TMEM63B: variants seen among roughly 807,000 people sequenced by gnomAD.
TMEM63B encodes transmembrane protein 63B.
Under a neutral mutation model 102.6 loss-of-function variants are expected in TMEM63B, and 23 were observed. The observed-to-expected ratio is 0.22, with a 90% CI of 0.16 to 0.32. TMEM63B has a LOEUF of 0.32. Among genes scored for constraint, TMEM63B ranks in the 10% least tolerant of loss-of-function variants. TMEM63B has a pLI of 1.00. For synonymous variants in TMEM63B, 444 were observed against 437.0 expected, an observed-to-expected ratio of 1.02 and a Z score of -0.20; for missense variants, 628 against 1,095.9, an observed-to-expected ratio of 0.57 and a Z score of 6.03.
intron 10 of TMEM63B, among the ~76,000 whole-genome samples, chr6:44,141,320 G>A (rs1764219438): frequency 1.3e-5 from 2 of 152,182 alleles, no homozygotes; most frequent in South Asian, 4.1e-4. Flanking sequence ...TGAAGAGTGA[G>A]TCATTCAAAC....
chr6:44,144,490 A>G (rs577643242), intron 10 of TMEM63B, among the ~76,000 whole-genome samples: 3 of 152,174 alleles, frequency 2.0e-5, no homozygotes, highest in Non-Finnish European at 4.4e-5. Flanking sequence ...ACCCTATCCC[A>G]GATTTAAGTT....
chr6:44,151,737 G>A, intron 18 of TMEM63B, 109 bp from the exon 19 acceptor site: 3 of 1,330,800 alleles, frequency 2.3e-6, no homozygotes, highest in Non-Finnish European at 3.1e-6. Context: ...GTGTCCACAT[G>A]GAAGAAGCAT....
Position 44,152,026 on chromosome 6 carries a change from A to C in TMEM63B, c.1836+18A>C. Reference sequence around the variant, plus strand: ...TGAAGCGGGTACGGCCGCCTGGGGCAGCAGCGGCCCGCACAGCGCCCCCTG... The same window carrying C: ...TGAAGCGGGTACGGCCGCCTGGGGCCGCAGCGGCCCGCACAGCGCCCCCTG... On this transcript the variant is annotated intron_variant, in intron 19 of 23. Transcript: ENST00000323267. This position sits in a 1 kb window ranked among gnomAD's most constrained non-coding sequence, Gnocchi z 6.4. 6.3e-7 allele frequency: 1 copy of C among 1,584,858 alleles called. No individual in the cohort carries two copies. Among genetic ancestry groups the C allele is most frequent in the Non-Finnish European group, 8.6e-7 (1 of 1,167,858 alleles).
chr6:44,139,865 A>C, intron 8 of TMEM63B, 106 bp downstream of exon 8: 1 of 1,440,060 alleles, frequency 6.9e-7, no homozygotes, highest in Non-Finnish European at 9.7e-7. Context: ...CAGAGCCTAC[A>C]GGGATGGCTA....
intron 6 of TMEM63B, 28 bp downstream of exon 6, chr6:44,138,545 GAA>G (rs1344190403): frequency 6.2e-7 from 1 of 1,613,776 alleles, no homozygotes; most frequent in Admixed American, 1.7e-5. Context: ...AAGCTCTAAA[GAA>G]AGAGAGAAAC....
At chr6:44,131,019 G>A (rs1433260050) in intron 1 of TMEM63B, among the ~76,000 whole-genome samples, 5 of 152,082 alleles carry the variant, frequency 3.3e-5, no homozygotes, top group Non-Finnish European at 5.9e-5. Context: ...CTGGGTTCAA[G>A]TGATTCTCCT....
intron 1 of TMEM63B, among the ~76,000 whole-genome samples, chr6:44,130,122 T>C (rs1562110923): frequency 6.6e-6 from 1 of 152,238 alleles, no homozygotes; most frequent in African/African-American, 2.4e-5. Flanking sequence ...ATTTCTCCAG[T>C]GTGGTAACTG....
chr6:44,146,777 G>T, intron 10 of TMEM63B, 70 bp from the exon 11 acceptor site: 2 of 1,450,506 alleles, frequency 1.4e-6, no homozygotes, highest in Non-Finnish European at 1.9e-6. Flanking sequence ...AAGGTGATGG[G>T]GTCATGGATG....
Position 44,150,802 on chromosome 6 carries a change from G to A in TMEM63B, c.1673+173G>A, listed in dbSNP as rs6907233. ...GGCACCCACAAGGTGTCTTGGGTGT[G>A]TATACATGGTAGAAGTCCCTGGGGT... On this transcript the variant is annotated intron_variant, in intron 18 of 23. Transcript: ENST00000323267. The surrounding 1 kb of genome is among the most constrained non-coding windows in gnomAD (Gnocchi z 4.7). 2.0e-3 allele frequency among the ~76,000 whole-genome samples: 309 copies of A among 152,356 alleles called. 3 individuals carry two copies. The highest frequency in any genetic ancestry group is 7.2e-3 in the African/African-American group (299 of 41,568).
chr6:44,136,117 C>T (rs577450544), intron 4 of TMEM63B, among the ~76,000 whole-genome samples: 4 of 152,302 alleles, frequency 2.6e-5, no homozygotes, highest in South Asian at 2.1e-4. Flanking sequence ...CCCTCAAGTC[C>T]CCACTGCCCA....
In TMEM63B at chr6:44,148,998, C is replaced by A; in HGVS notation, c.1413+53C>A. 1 of 1,613,120 alleles carries A rather than the reference C, an allele frequency of 6.2e-7. No individual in the cohort carries two copies. Among genetic ancestry groups the A allele is most frequent in the East Asian group, 2.2e-5 (1 of 44,854 alleles). ...CACGCTGGGTCACAACACACAGATA[C>A]CAGGCCCTGATCCCTCTTCCACTTG... On this transcript the variant is annotated intron_variant, in intron 15 of 23. Transcript: ENST00000323267. The surrounding 1 kb of genome is among the most constrained non-coding windows in gnomAD (Gnocchi z 5.1).
chr6:44,150,442 T>C lies in TMEM63B; in HGVS notation c.1608-122T>C, dbSNP rs545747504. On this transcript the variant is annotated intron_variant, in intron 17 of 23. Transcript: ENST00000323267. This position sits in a 1 kb window ranked among gnomAD's most constrained non-coding sequence, Gnocchi z 4.7. Reference sequence around the variant, plus strand: ...TGGGAAGCCTGGCCACCCCCAGGCCTCCTGAGCTACCCACCCCATGTCTGG... The same window carrying C: ...TGGGAAGCCTGGCCACCCCCAGGCCCCCTGAGCTACCCACCCCATGTCTGG... 13 of 1,462,536 alleles carry C rather than the reference T, an allele frequency of 8.9e-6. No individual in the cohort carries two copies. The South Asian group carries it at 1.4e-4, about 16-fold the overall frequency. The allele number at this position is 1,462,536 out of a possible 1,614,324, so 90.6% of individuals were successfully genotyped here. A position where few individuals can be genotyped will look rare whatever the true frequency, so the allele number is the denominator to read the frequency against.
At position 44,148,123 on chromosome 6, in the gene TMEM63B, C is replaced by CAAA; in HGVS notation, c.988-118_988-116dup. 13 of 1,181,546 alleles carry CAAA rather than the reference C, an allele frequency of 1.1e-5. No individual in the cohort carries two copies. Among genetic ancestry groups the CAAA allele is most frequent in the Admixed American group, 2.6e-5 (1 of 38,988 alleles). The allele number at this position is 1,181,546 out of a possible 1,614,324, so 73.2% of individuals were successfully genotyped here. A position where few individuals can be genotyped will look rare whatever the true frequency, so the allele number is the denominator to read the frequency against. ...GGGCATCAGAGCGAGACGCTGTTTC[C>CAAA]AAAAAAAAAAAAATGCTTAGAGGAG... On this transcript the variant is annotated intron_variant, in intron 12 of 23. Transcript: ENST00000323267. The surrounding 1 kb of genome is among the most constrained non-coding windows in gnomAD (Gnocchi z 5.1).
rs138085756 is a variant in TMEM63B at position 44,150,275 on chromosome 6, C to T, written c.1572C>T (p.Phe524=). Reference sequence around the variant, plus strand: ...ACAAGTGCTACACTTTCCTCATCTTCATGGTGCTGCTCCTACCCTCGCTGG... The same window carrying T: ...ACAAGTGCTACACTTTCCTCATCTTTATGGTGCTGCTCCTACCCTCGCTGG... The part of the protein sequence containing the change: ...TMHKCYTFLI[F]MVLLLPSLGL... Residue 524 remains phenylalanine, a synonymous_variant, in exon 17 of 24, where the codon TTC becomes TTT. Transcript: ENST00000323267. This position sits in a 1 kb window ranked among gnomAD's most constrained non-coding sequence, Gnocchi z 4.7. 4.0e-4 allele frequency: 645 copies of T among 1,614,114 alleles called. 2 individuals are homozygous for T. In the African/African-American group the frequency reaches 7.5e-3, roughly 19 times the overall value.
At chr6:44,132,844 T>A (rs1431584212) in intron 1 of TMEM63B, among the ~76,000 whole-genome samples, 1 of 152,214 alleles carries the variant, frequency 6.6e-6, no homozygotes, top group Non-Finnish European at 1.5e-5. Context: ...AAAGCTTCCA[T>A]GGTCTGCCGA....
chr6:44,138,876 A>C, intron 6 of TMEM63B: 1 of 318,226 alleles, frequency 3.1e-6, no homozygotes, highest in East Asian at 7.1e-5. Context: ...CAGGAGATCC[A>C]GCCAGAGTCC....
chr6:44,129,125 TG>T (rs998751217), intron 1 of TMEM63B, among the ~76,000 whole-genome samples: 25 of 152,264 alleles, frequency 1.6e-4, no homozygotes, highest in South Asian at 4.1e-4. Context: ...TCCAGCACTT[TG>T]GGAGACTGAG....
chr6:44,135,509 C>T (rs1010421628), intron 4 of TMEM63B, 143 bp downstream of exon 4: 10 of 1,096,334 alleles, frequency 9.1e-6, no homozygotes, highest in South Asian at 3.3e-5. Context: ...TTAACGCAGG[C>T]GGTGTGCTTT....
chr6:44,137,039 C>T (rs1424874074), intron 5 of TMEM63B, among the ~76,000 whole-genome samples: 1 of 152,118 alleles, frequency 6.6e-6, no homozygotes, highest in Admixed American at 6.6e-5. Flanking sequence ...AGCGAGACTC[C>T]ATCTCAAAAC....
Sources: gnomAD v4.1 joint callset for allele counts (sites outside exome capture counted in the v4.1 genomes callset) on GRCh38, gnomAD v4.1.1 for gene constraint, Gnocchi (gnomAD v3.1) non-coding constraint, MANE v1.5 for transcripts, NCBI Gene and HGNC (gene_info 2026-07-23, HGNC 2026-07-21) for gene names.